DNAH17: variants seen among roughly 807,000 people sequenced by gnomAD.
DNAH17 encodes the protein dynein axonemal heavy chain 17.
In DNAH17, 376 loss-of-function variants were observed where a neutral mutation model predicts 485.6. That is an observed-to-expected ratio of 0.77 (90% CI 0.71 to 0.84). The LOEUF is 0.84. Ranked by LOEUF, DNAH17 falls within the 40% of genes least tolerant of loss-of-function variation. The probability of loss-of-function intolerance (pLI) is 0.00; values close to 1 mark genes in which losing one functional copy is unlikely to be tolerated. For missense variants in DNAH17, 6,370 were observed against 5,839.3 expected (o/e 1.09, Z -2.96); for synonymous variants, 3,031 against 2,405.9 (o/e 1.26, Z -7.60).
chr17:78,568,114 C>G (rs563657195), intron 9 of DNAH17, among the ~76,000 whole-genome samples: 1 of 152,212 alleles, frequency 6.6e-6, no homozygotes, highest in African/African-American at 2.4e-5. Flanking sequence ...CTGGCATGGC[C>G]TGTTGTCAGG....
Position 78,560,934 on chromosome 17 carries a change from C to A in DNAH17, c.1837G>T (p.Val613Phe). 2 of 1,548,138 alleles carry A rather than the reference C, an allele frequency of 1.3e-6. No homozygotes were observed. Among genetic ancestry groups the A allele is most frequent in the Admixed American group, 2.0e-5 (1 of 51,004 alleles). Residue 613 changes from valine (V) to phenylalanine (F), a missense_variant and splice_region_variant, in exon 13 of 81, where the codon GTC (valine) becomes TTC (phenylalanine). Val to Phe is a conservative substitution (Grantham distance 50). Transcript: ENST00000389840. ...AGCTTGGCCTCTGCTCCAGACATGA[C>A]CCTGGAATCAGAGCGGGAAGGCGAG... is the stretch of plus-strand genomic sequence containing the variant. ...MKHLKHVEHP[V>F]MSGAEAKLTY...
intron 66 of DNAH17, 60 bp from the exon 67 acceptor site, chr17:78,450,906 C>T: frequency 3.1e-6 from 5 of 1,589,168 alleles, no homozygotes; most frequent in Non-Finnish European, 4.3e-6. Context: ...GGCACCCGGG[C>T]CTCCCTCAGG....
In DNAH17 at chr17:78,468,685, G is replaced by C; in HGVS notation, c.8710C>G (p.Leu2904Val). 1.2e-6 allele frequency: 2 copies of C among 1,614,040 alleles called. No homozygotes were observed. Among genetic ancestry groups the C allele is most frequent in the East Asian group, 2.2e-5 (1 of 44,890 alleles). ...GTTTCCCGAGTGTCATTCATGCCAA[G>C]GGACTTGACTTGGGGTCGCATGGAG... Reference protein sequence around the residue: ...ISSMRPQVKSLGMNDTRETCW... With the variant: ...ISSMRPQVKSVGMNDTRETCW... Residue 2904 changes from leucine to valine, a missense_variant, in exon 55 of 81, where the codon CTT becomes GTT. Physicochemically the swap from Leu to Val is conservative, Grantham distance 32. Coordinates refer to ENST00000389840, the MANE Select transcript of DNAH17 (RefSeq NM_173628.4).
At chr17:78,535,097 C>T (rs555053650) in intron 19 of DNAH17, among the ~76,000 whole-genome samples, 2 of 152,288 alleles carry the variant, frequency 1.3e-5, no homozygotes, top group South Asian at 4.1e-4. Context: ...TCTGCCTGAG[C>T]GTCCCAGGGT....
chr17:78,489,916 C>A (rs2089776476), intron 44 of DNAH17: 1 of 152,138 alleles, frequency 6.6e-6, no homozygotes, highest in Non-Finnish European at 1.5e-5. Context: ...TCCTCTGGAG[C>A]CTCTTGCCTC....
At chr17:78,426,626 G>T (rs201996489) in intron 78 of DNAH17, 26 bp from the exon 79 acceptor site, 2 of 1,576,728 alleles carry the variant, frequency 1.3e-6, no homozygotes, top group South Asian at 2.3e-5. Flanking sequence ...ATGGGTGTGG[G>T]GAGCCCTGAG....
At chr17:78,534,050 C>G (rs996827522) in intron 19 of DNAH17, among the ~76,000 whole-genome samples, 2 of 152,186 alleles carry the variant, frequency 1.3e-5, no homozygotes, top group Non-Finnish European at 2.9e-5. Context: ...CCGGCCTTTC[C>G]CAGGGCTAGG....
intron 36 of DNAH17, 114 bp downstream of exon 36, chr17:78,500,191 T>C: frequency 8.1e-7 from 1 of 1,233,768 alleles, no homozygotes; most frequent in Non-Finnish European, 1.1e-6. Context: ...TCCAGTGCCA[T>C]TCACAGGTAT....
chr17:78,456,743 C>A (rs2087820697), intron 62 of DNAH17, among the ~76,000 whole-genome samples: 1 of 152,224 alleles, frequency 6.6e-6, no homozygotes, highest in Non-Finnish European at 1.5e-5. Flanking sequence ...ATCTGAGCAG[C>A]CCTTACTTCC....
intron 17 of DNAH17, among the ~76,000 whole-genome samples, chr17:78,543,176 G>T (rs1421373361): frequency 6.6e-6 from 1 of 152,206 alleles, no homozygotes; most frequent in Non-Finnish European, 1.5e-5. Flanking sequence ...GTGCAGTGGT[G>T]CGATCTTGGT....
chr17:78,559,765 C>T (rs565175227), intron 13 of DNAH17, among the ~76,000 whole-genome samples: 15 of 152,276 alleles, frequency 9.9e-5, no homozygotes, highest in African/African-American at 3.6e-4. Flanking sequence ...CCATGGGGCC[C>T]TTCCTCGTCA....
At chr17:78,468,475 C>T (rs1031813803) in intron 55 of DNAH17, 142 bp downstream of exon 55, 28 of 1,146,750 alleles carry the variant, frequency 2.4e-5, no homozygotes, top group Non-Finnish European at 3.1e-5. Flanking sequence ...TCAGACAGCC[C>T]CACCCCTCAC....
intron 31 of DNAH17, among the ~76,000 whole-genome samples, chr17:78,504,778 G>A (rs983617400): frequency 4.0e-5 from 6 of 151,814 alleles, no homozygotes; most frequent in Admixed American, 6.6e-5. Context: ...GTGGTGGGCT[G>A]TGCAGCCGAT....
intron 74 of DNAH17, 146 bp from the exon 75 acceptor site, chr17:78,434,366 T>A: frequency 1.5e-6 from 1 of 674,928 alleles, no homozygotes. Context: ...GCTGTGCAGG[T>A]CTCTATCAGA....
chr17:78,440,527 T>C (rs1385424619), intron 72 of DNAH17, among the ~76,000 whole-genome samples: 1 of 152,144 alleles, frequency 6.6e-6, no homozygotes. Flanking sequence ...CCCAAAGTGC[T>C]GGGATACAGG....
chr17:78,529,445 A>ACGCAGC (rs751245545), intron 22 of DNAH17, 27 bp downstream of exon 22: 122 of 1,610,006 alleles, frequency 7.6e-5, no homozygotes, highest in Non-Finnish European at 9.9e-5. Context: ...GCTCACCTGG[A>ACGCAGC]CGCAGCCACA....
chr17:78,446,185 A>AAAAAAAT (rs2087289177), intron 69 of DNAH17, among the ~76,000 whole-genome samples: 1 of 151,140 alleles, frequency 6.6e-6, no homozygotes, highest in African/African-American at 2.4e-5. Context: ...AAAAAAAAAA[A>AAAAAAAT]AAAAAAAAAA....
intron 37 of DNAH17, 156 bp downstream of exon 37, chr17:78,498,852 A>G: frequency 1.9e-6 from 1 of 515,608 alleles, no homozygotes; most frequent in Non-Finnish European, 3.4e-6. Flanking sequence ...AGGCTTTGGG[A>G]CCCTGGAGGG....
rs150369068 is a variant in DNAH17 at position 78,487,089 on chromosome 17, G to A, written c.6819-583C>T. 2.5e-3 allele frequency among the ~76,000 whole-genome samples: 382 copies of A among 151,382 alleles called. 6 individuals are homozygous for A. Among genetic ancestry groups the A allele is most frequent in the Non-Finnish European group, 1.0e-3 (71 of 67,936 alleles). On this transcript the variant is annotated intron_variant, in intron 44 of 80. Coordinates refer to ENST00000389840, the MANE Select transcript of DNAH17 (RefSeq NM_173628.4). ...TACAACCAGCAATCCTTGAAGAGCC[G>A]TGCCAGACTGTTGGCCACAGACATC...
Sources: gnomAD v4.1 joint callset for allele counts (sites outside exome capture counted in the v4.1 genomes callset) on GRCh38, gnomAD v4.1.1 for gene constraint, MANE v1.5 for transcripts, NCBI Gene and HGNC (gene_info 2026-07-23, HGNC 2026-07-21) for gene names.